DPP6: variants seen among roughly 807,000 people sequenced by gnomAD.
DPP6 encodes dipeptidyl peptidase like 6.
In DPP6, 69 loss-of-function variants were observed where a neutral mutation model predicts 122.6. The ratio of observed to expected loss-of-function variants is 0.56; its 90% CI spans 0.46 to 0.69. DPP6 has a LOEUF of 0.69. Ranked by LOEUF, DPP6 falls within the 30% of genes least tolerant of loss-of-function variation. The pLI is 0.00. For synonymous variants in DPP6, 418 were observed against 433.1 expected (o/e 0.97, Z 0.43); for missense variants, 928 against 1,116.9 (o/e 0.83, Z 2.41).
intron 1 of DPP6, among the ~76,000 whole-genome samples, chr7:154,162,316 G>A (rs1797024501): frequency 6.6e-6 from 1 of 152,242 alleles, no homozygotes; most frequent in South Asian, 2.1e-4. Context: ...TCTTGGGAAT[G>A]GGAACCAAAC....
chr7:154,021,969 G>A (rs1001704705), intron 1 of DPP6, among the ~76,000 whole-genome samples: 1 of 152,170 alleles, frequency 6.6e-6, no homozygotes, highest in Non-Finnish European at 1.5e-5. Flanking sequence ...GGCCGGTCAA[G>A]TTGATATCCA....
chr7:154,638,250 A>G (rs1835851141), intron 6 of DPP6, among the ~76,000 whole-genome samples: 1 of 152,176 alleles, frequency 6.6e-6, no homozygotes, highest in South Asian at 2.1e-4. Context: ...GTTCCTGGTT[A>G]TACCCACACT....
At chr7:154,815,678 T>G (rs933293701) in intron 16 of DPP6, among the ~76,000 whole-genome samples, 1 of 152,208 alleles carries the variant, frequency 6.6e-6, no homozygotes, top group African/African-American at 2.4e-5. Context: ...AACTTCCTTC[T>G]CCTGAAGCCG....
rs117457062 is a variant in DPP6 at position 154,482,111 on chromosome 7, G to A, written c.457+7074G>A. Reference sequence around the variant, plus strand: ...GATTTGGGGGCAGGGACCTGAAGGTGAGGATCATGCAGATGAGTTCTCTGG... The same window carrying A: ...GATTTGGGGGCAGGGACCTGAAGGTAAGGATCATGCAGATGAGTTCTCTGG... On this transcript the variant is annotated intron_variant, in intron 3 of 25. Coordinates refer to ENST00000377770, the MANE Select transcript of DPP6 (RefSeq NM_130797.4). Among the ~76,000 whole-genome samples, 1,269 of 152,346 alleles carry A rather than the reference G, an allele frequency of 8.3e-3. 12 individuals carry two copies. The highest frequency in any genetic ancestry group is 0.041 in the South Asian group (199 of 4,826).
At chr7:153,791,216 C>G in the DPP6 span, among the ~76,000 whole-genome samples, 8 of 152,042 alleles carry the variant, frequency 5.3e-5, no homozygotes, top group Admixed American at 3.9e-4. Context: ...AGACTGACTA[C>G]GTCTATATCA....
At chr7:154,003,074 T>C (rs567945011) in intron 1 of DPP6, among the ~76,000 whole-genome samples, 284 of 152,236 alleles carry the variant, frequency 1.9e-3, no homozygotes, top group Non-Finnish European at 3.1e-3. Flanking sequence ...AACAGGTTTT[T>C]AAGAAAGGAG....
intron 1 of DPP6, among the ~76,000 whole-genome samples, chr7:154,110,400 T>C (rs1806488088): frequency 6.6e-6 from 1 of 152,162 alleles, no homozygotes; most frequent in Admixed American, 6.5e-5. Context: ...GAAGCATCAC[T>C]CTGCTTGGGT....
In DPP6 at chr7:154,649,668, C is replaced by T. The variant is rs1396331983; in HGVS notation, c.680+11795C>T. On this transcript the variant is annotated intron_variant, in intron 6 of 25. Coordinates refer to ENST00000377770, the MANE Select transcript of DPP6 (RefSeq NM_130797.4). ...TCTGTGCCCTCAATGCCAGCCTGCACCTGCCTTTCTCTACCTGGCACCTGG... is the reference window on the plus strand; with the variant it reads ...TCTGTGCCCTCAATGCCAGCCTGCATCTGCCTTTCTCTACCTGGCACCTGG... 2.0e-5 allele frequency among the ~76,000 whole-genome samples: 3 copies of T among 152,236 alleles called. No individual in the cohort carries two copies. In the East Asian group the frequency reaches 5.8e-4, roughly 29 times the overall value.
chr7:154,583,042 G>A (rs1243734599), intron 5 of DPP6, among the ~76,000 whole-genome samples: 1 of 152,172 alleles, frequency 6.6e-6, no homozygotes, highest in Non-Finnish European at 1.5e-5. Context: ...CTTGATGGGG[G>A]CTCTGCTGCC....
intron 10 of DPP6, among the ~76,000 whole-genome samples, chr7:154,779,125 T>A (rs796536770): frequency 1.8e-3 from 1 of 550 alleles, no homozygotes; most frequent in Non-Finnish European, 3.0e-3. Context: ...TCACCACCAC[T>A]ATCACCGCTA....
chr7:154,237,248 C>T (rs575727096), intron 1 of DPP6, among the ~76,000 whole-genome samples: 3 of 152,288 alleles, frequency 2.0e-5, no homozygotes, highest in South Asian at 2.1e-4. Flanking sequence ...TGAATAATCC[C>T]TTAGTATCTT....
intron 1 of DPP6, among the ~76,000 whole-genome samples, chr7:154,223,910 A>T (rs959018371): frequency 4.0e-5 from 6 of 148,924 alleles, no homozygotes; most frequent in Non-Finnish European, 8.8e-5. Flanking sequence ...CCGGGGAAAC[A>T]TGACCTGACC....
chr7:154,413,818 T>G (rs1816806878), intron 1 of DPP6, among the ~76,000 whole-genome samples: 1 of 152,194 alleles, frequency 6.6e-6, no homozygotes, highest in African/African-American at 2.4e-5. Context: ...GTTTGTTATT[T>G]CCTTTCTACC....
intron 1 of DPP6, among the ~76,000 whole-genome samples, chr7:154,222,971 A>C (rs1271777420): frequency 6.7e-6 from 1 of 149,082 alleles, no homozygotes; most frequent in Non-Finnish European, 1.5e-5. Context: ...CGTAAATGTA[A>C]TTATTGTTAA....
At chr7:154,792,265 C>T (rs890741848) in intron 10 of DPP6, among the ~76,000 whole-genome samples, 6 of 152,246 alleles carry the variant, frequency 3.9e-5, no homozygotes, top group Admixed American at 2.0e-4. Context: ...CTCTCACACA[C>T]GTCCCATGGT....
chr7:154,061,196 T>G (rs1410467362), intron 1 of DPP6, among the ~76,000 whole-genome samples: 712 of 148,630 alleles, frequency 4.8e-3, no homozygotes, highest in African/African-American at 0.016. Flanking sequence ...ACTGCAGTAT[T>G]AGCCAAGCCT....
intron 10 of DPP6, among the ~76,000 whole-genome samples, chr7:154,775,541 T>A (rs1414275381): frequency 2.0e-5 from 3 of 152,168 alleles, no homozygotes; most frequent in Non-Finnish European, 4.4e-5. Flanking sequence ...TGTCCAAGAC[T>A]TTATTAAACT....
intron 11 of DPP6, 43 bp from the exon 12 acceptor site, chr7:154,795,794 AAAGAAAAG>A (rs781335042): frequency 0.016 from 13,656 of 830,040 alleles, 17 homozygotes; most frequent in Admixed American, 0.029. Context: ...CAAAAAAAAA[AAAGAAAAG>A]AAAAGAAAAA....
At chr7:154,172,181 A>G (rs1170380492) in intron 1 of DPP6, among the ~76,000 whole-genome samples, 3 of 149,236 alleles carry the variant, frequency 2.0e-5, no homozygotes, top group African/African-American at 7.4e-5. Flanking sequence ...GTGTTTAATG[A>G]ACATCAACTA....
Sources: allele counts gnomAD v4.1 joint callset (sites outside exome capture counted in the v4.1 genomes callset), GRCh38; gene constraint gnomAD v4.1.1; transcripts MANE v1.5; gene names NCBI Gene and HGNC (gene_info 2026-07-23, HGNC 2026-07-21).